SI: variants seen among roughly 807,000 people sequenced by gnomAD.
The protein encoded by SI is sucrase-isomaltase, intestinal.
Under a neutral mutation model 253.3 loss-of-function variants are expected in SI, and 235 were observed. That is an observed-to-expected ratio of 0.93 (90% confidence interval 0.83 to 1.03). The LOEUF is 1.03. Ranked by LOEUF, SI falls within the 50% of genes least tolerant of loss-of-function variation. The pLI is 0.00. For synonymous variants in SI, 819 were observed against 712.0 expected, an observed-to-expected ratio of 1.15 and a Z score of -2.39; for missense variants, 2,442 against 2,211.1, an observed-to-expected ratio of 1.10 and a Z score of -2.09.
rs562148854 is a variant in SI at position 165,021,233 on chromosome 3, C to T, written c.3250G>A (p.Val1084Ile). The change falls in exon 27 of 48, where the codon GTC becomes ATC. Residue 1084 changes from valine (V) to isoleucine (I), a missense_variant. Val to Ile is a conservative substitution (Grantham distance 29). Transcript: ENST00000264382. ...TCAAATAATTCAATTACTTACATGA[C>T]TCTTCCACTGCTTCTCCGTCGAATC... is the stretch of plus-strand genomic sequence containing the variant. ...IQIRRRSSGR[V>I]IWDSWLPGFA... 6.2e-7 allele frequency: 1 copy of T among 1,610,122 alleles called. No homozygotes were observed. Among genetic ancestry groups the T allele is most frequent in the Non-Finnish European group, 8.5e-7 (1 of 1,177,122 alleles).
chr3:164,982,913 T>G, intron 46 of SI, 89 bp downstream of exon 46: 1 of 1,266,090 alleles, frequency 7.9e-7, no homozygotes, highest in Admixed American at 2.0e-5. Context: ...AGCCTCCCAA[T>G]GAACTAGGAT....
At chr3:165,041,196 C>T in intron 17 of SI, 102 bp from the exon 18 acceptor site, 2 of 1,006,002 alleles carry the variant, frequency 2.0e-6, no homozygotes, top group Non-Finnish European at 3.1e-6. Context: ...ACATAAATTT[C>T]AGCTTGTTTA....
At chr3:165,067,205 C>T (rs1027994756) in intron 6 of SI, 135 bp downstream of exon 6, 37 of 627,290 alleles carry the variant, frequency 5.9e-5, no homozygotes, top group East Asian at 1.1e-4. Context: ...CCTTTATCAC[C>T]GTAATTTTTA....
chr3:164,995,137 G>C (rs148723582), intron 40 of SI, among the ~76,000 whole-genome samples: 6 of 151,696 alleles, frequency 4.0e-5, no homozygotes, highest in Non-Finnish European at 8.9e-5. Flanking sequence ...AATGTTTTTC[G>C]TTGACATCAG....
At chr3:165,070,364 ATG>A (rs1186168929) in intron 3 of SI, among the ~76,000 whole-genome samples, 1 of 139,720 alleles carries the variant, frequency 7.2e-6, no homozygotes, top group African/African-American at 2.7e-5. Context: ...ATATATATAT[ATG>A]TGTGTGTGTG....
chr3:165,074,110 A>T (rs1378855202), intron 3 of SI, among the ~76,000 whole-genome samples: 1 of 152,082 alleles, frequency 6.6e-6, no homozygotes, highest in Non-Finnish European at 1.5e-5. Flanking sequence ...ATTAAAAACA[A>T]TTAATAATTT....
chr3:165,049,283 C>G (rs1464983017), intron 14 of SI, 39 bp from the exon 15 acceptor site: 1 of 1,147,222 alleles, frequency 8.7e-7, no homozygotes, highest in Non-Finnish European at 1.3e-6. Context: ...TTATATTTTT[C>G]CATTATAAAA....
At chr3:165,022,915 A>G in intron 26 of SI, among the ~76,000 whole-genome samples, 1 of 151,566 alleles carries the variant, frequency 6.6e-6, no homozygotes, top group East Asian at 1.9e-4. Context: ...CTTAATATGA[A>G]CATTTTTAAT....
At chr3:164,983,474 A>C (rs1199825756) in intron 45 of SI, among the ~76,000 whole-genome samples, 1 of 152,256 alleles carries the variant, frequency 6.6e-6, no homozygotes, top group Non-Finnish European at 1.5e-5. Context: ...GTAGCAATAC[A>C]TTCTAGTGTC....
At chr3:165,015,029 C>G (rs1718958437) in intron 33 of SI, 94 bp downstream of exon 33, 1 of 872,602 alleles carries the variant, frequency 1.1e-6, no homozygotes, top group Admixed American at 2.0e-5. Context: ...CTGTATAGCT[C>G]TCCTGAACGG....
chr3:165,059,863 A>G (rs755408985), intron 10 of SI, 39 bp downstream of exon 10: 17 of 1,592,870 alleles, frequency 1.1e-5, no homozygotes, highest in Non-Finnish European at 1.3e-5. Context: ...ACAATATTTA[A>G]CTTGATATAT....
rs149498200 is a variant in SI, at chr3:165,069,126, C to A, written c.325G>T (p.Val109Phe). The change falls in exon 4 of 48, where the codon GTT (valine) becomes TTT (phenylalanine). Residue 109 changes from valine to phenylalanine, a missense_variant. Val to Phe is a conservative substitution (Grantham distance 50, BLOSUM62 -1). Transcript: ENST00000264382. ...NDSLIPWCFF[V>F]DNHGYNVQDM... is the part of the protein sequence containing the mutation. ...TGAACGTTATAACCATGATTATCAA[C>A]GAAGAAGCACCAAGGAATAAGAGAG... The A allele has an allele frequency of 6.2e-7, 1 of 1,613,376 alleles. No individual in the cohort carries two copies. The highest frequency in any genetic ancestry group is 2.2e-5 in the East Asian group (1 of 44,712).
rs745476019 is a variant in SI at position 164,979,400 on chromosome 3, CAT to C, written c.5444_5445del (p.Asn1815SerfsTer73). 28 of 1,585,894 alleles carry C rather than the reference CAT, an allele frequency of 1.8e-5. No individual in the cohort carries two copies. The highest frequency in any genetic ancestry group is 2.4e-5 in the Non-Finnish European group (28 of 1,156,008). On this transcript the variant is annotated frameshift_variant, in exon 48 of 48. Coordinates refer to ENST00000264382, the MANE Select transcript of SI (RefSeq NM_001041.4). LOFTEE classifies it high-confidence loss of function. Reference protein sequence around the residue: ...MILRIDLTTHNVTLEEPIEIN... With the variant: ...MILRIDLTTHXVTLEEPIEIN... ...ATTTCTATTGGTTCTTCTAGAGTAA[CAT>C]TGTGTGTGGTCAGATCAATACGTAA...
intron 34 of SI, among the ~76,000 whole-genome samples, chr3:165,012,605 T>G (rs1576884489): frequency 6.6e-6 from 1 of 151,992 alleles, no homozygotes; most frequent in Admixed American, 6.6e-5. Flanking sequence ...TTTTTTTTTG[T>G]ATTTTTAGTA....
intron 27 of SI, 52 bp from the exon 28 acceptor site, chr3:165,019,822 T>C (rs1351704322): frequency 5.6e-6 from 8 of 1,431,808 alleles, no homozygotes; most frequent in Non-Finnish European, 7.9e-6. Context: ...TGCAAAGTAG[T>C]ATCACAAATA....
In SI at chr3:165,018,020, T is replaced by A; in HGVS notation, c.3470A>T (p.Glu1157Val). Residue 1157 changes from glutamate (E) to valine (V), a missense_variant, in exon 29 of 48, where the codon GAA (glutamate) becomes GTA (valine). By Grantham distance (121) the Glu-to-Val change is moderately radical. Transcript: ENST00000264382. ...AACACCATGAGCATTGCCCTCCTCTTCCAGAGCCATGTAATAGGGATGAAA... is the reference window on the plus strand; with the variant it reads ...AACACCATGAGCATTGCCCTCCTCTACCAGAGCCATGTAATAGGGATGAAA... ...YGFHPYYMAL[E>V]EEGNAHGVFL... 6.2e-7 allele frequency: 1 copy of A among 1,611,902 alleles called. No homozygotes were observed. The highest frequency in any genetic ancestry group is 8.5e-7 in the Non-Finnish European group (1 of 1,178,232).
intron 47 of SI, 58 bp downstream of exon 47, chr3:164,982,185 T>C: frequency 7.8e-7 from 1 of 1,288,724 alleles, no homozygotes; most frequent in Non-Finnish European, 1.1e-6. Context: ...ATATAAGAAG[T>C]CCATGTAGAT....
chr3:165,057,994 C>A (rs1713778968), intron 12 of SI, among the ~76,000 whole-genome samples: 1 of 151,672 alleles, frequency 6.6e-6, no homozygotes, highest in Non-Finnish European at 1.5e-5. Flanking sequence ...TTTTTTTCAG[C>A]ACATGAATTA....
intron 3 of SI, among the ~76,000 whole-genome samples, chr3:165,073,272 T>A (rs1714716792): frequency 6.6e-6 from 1 of 151,506 alleles, no homozygotes; most frequent in African/African-American, 2.4e-5. Context: ...AGTCTCGCTC[T>A]GTCACCCAGG....
Sources: allele counts gnomAD v4.1 joint callset (sites outside exome capture counted in the v4.1 genomes callset), GRCh38; gene constraint gnomAD v4.1.1; transcripts MANE v1.5; gene names NCBI Gene and HGNC (gene_info 2026-07-23, HGNC 2026-07-21).